PRKCI: variants seen among roughly 807,000 people sequenced by gnomAD.
PRKCI encodes protein kinase C iota type.
PRKCI carries 43 observed loss-of-function variants against 84.0 expected under a neutral mutation model. The ratio of observed to expected loss-of-function variants is 0.51; its 90% CI spans 0.40 to 0.66. The LOEUF (loss-of-function observed/expected upper bound fraction) is 0.66. Ranked by LOEUF, PRKCI falls within the 30% of genes least tolerant of loss-of-function variation. PRKCI has a pLI of 0.00. For synonymous variants in PRKCI, 216 were observed against 234.4 expected, an observed-to-expected ratio of 0.92 and a Z score of 0.72; for missense variants, 459 against 745.6, an observed-to-expected ratio of 0.62 and a Z score of 4.48.
chr3:170,253,868 G>A (rs894006901), intron 2 of PRKCI, among the ~76,000 whole-genome samples: 5 of 151,672 alleles, frequency 3.3e-5, no homozygotes, highest in African/African-American at 7.3e-5. Context: ...AGGCCGAGGC[G>A]GGCGGATCAC....
intron 8 of PRKCI, among the ~76,000 whole-genome samples, chr3:170,279,881 C>G (rs1031526404): frequency 1.3e-5 from 2 of 152,138 alleles, no homozygotes; most frequent in Non-Finnish European, 2.9e-5. Context: ...AGTGGTACCC[C>G]CAATCTCTTG....
At chr3:170,244,393 G>T (rs1304465878) in intron 2 of PRKCI, among the ~76,000 whole-genome samples, 1 of 152,106 alleles carries the variant, frequency 6.6e-6, no homozygotes, top group Non-Finnish European at 1.5e-5. Flanking sequence ...AAAATGTAGG[G>T]GTTCAGAGAG....
At chr3:170,277,180 C>T (rs575712191) in intron 8 of PRKCI, among the ~76,000 whole-genome samples, 6 of 150,876 alleles carry the variant, frequency 4.0e-5, no homozygotes, top group African/African-American at 1.5e-4. Context: ...ACTGGGGAGG[C>T]GGAGATTACA....
chr3:170,241,817 T>C (rs986204153), intron 2 of PRKCI, among the ~76,000 whole-genome samples: 1 of 148,990 alleles, frequency 6.7e-6, no homozygotes, highest in Admixed American at 6.6e-5. Flanking sequence ...TGTACCACCA[T>C]GCCTAGCTAC....
intron 13 of PRKCI, 82 bp from the exon 14 acceptor site, chr3:170,293,301 C>T: frequency 7.3e-7 from 1 of 1,362,862 alleles, no homozygotes; most frequent in Non-Finnish European, 1.0e-6. Context: ...GTTTCTTTTT[C>T]CTTTATGTGA....
At chr3:170,230,451 C>G (rs969398085) in intron 1 of PRKCI, among the ~76,000 whole-genome samples, 5 of 152,220 alleles carry the variant, frequency 3.3e-5, no homozygotes, top group African/African-American at 1.2e-4. Flanking sequence ...CTGCCTCAGC[C>G]TCCCAAGTAG....
chr3:170,288,570 G>A (rs546428476), intron 12 of PRKCI, among the ~76,000 whole-genome samples: 57 of 152,142 alleles, frequency 3.7e-4, no homozygotes, highest in African/African-American at 1.3e-3. Flanking sequence ...CCAACATGGT[G>A]AAAACCCATC....
In PRKCI at chr3:170,303,361, G is replaced by GT. The variant is rs1270718845; in HGVS notation, c.*239dup. ...AAAATTTAGTTGAACTGGTTTTTCA[G>GT]TTTTTAAAAGGCCTACAGATGAGTA... is the stretch of plus-strand genomic sequence containing the variant. On this transcript the variant is annotated 3_prime_UTR_variant, in exon 18 of 18. Coordinates refer to ENST00000295797, the MANE Select transcript of PRKCI (RefSeq NM_002740.6). 7 of 315,498 alleles carry GT rather than the reference G, an allele frequency of 2.2e-5. No homozygotes were observed. In the East Asian group the frequency reaches 3.2e-4, roughly 15 times the overall value. The allele number at this position is 315,498 out of a possible 1,614,324, so 19.5% of individuals were successfully genotyped here. A position where few individuals can be genotyped will look rare whatever the true frequency, so the allele number is the denominator to read the frequency against.
At chr3:170,225,366 A>T (rs1413429238) in intron 1 of PRKCI, among the ~76,000 whole-genome samples, 1 of 152,220 alleles carries the variant, frequency 6.6e-6, no homozygotes, top group East Asian at 1.9e-4. Flanking sequence ...ATTAATATAG[A>T]TGAAGCTAAA....
chr3:170,251,984 G>A (rs749983820), intron 2 of PRKCI, among the ~76,000 whole-genome samples: 1 of 151,980 alleles, frequency 6.6e-6, no homozygotes, highest in African/African-American at 2.4e-5. Flanking sequence ...GGGAGGCCGA[G>A]GTGGGTGGAT....
intron 4 of PRKCI, among the ~76,000 whole-genome samples, chr3:170,265,083 G>A (rs151265750): frequency 1.1e-3 from 161 of 152,188 alleles, no homozygotes; most frequent in African/African-American, 3.8e-3. Context: ...TAGCTACCTG[G>A]GAGGCTGAGG....
chr3:170,266,848 C>T (rs565149960), intron 4 of PRKCI, among the ~76,000 whole-genome samples: 50 of 152,188 alleles, frequency 3.3e-4, no homozygotes, highest in African/African-American at 1.2e-3. Context: ...CAAAAATTAG[C>T]CGGGTGTGGT....
intron 1 of PRKCI, 34 bp downstream of exon 1, chr3:170,222,804 G>A: frequency 6.4e-7 from 1 of 1,560,742 alleles, no homozygotes. Flanking sequence ...TGGGCGGGAG[G>A]GGACAGGCCG....
intron 6 of PRKCI, among the ~76,000 whole-genome samples, chr3:170,272,426 A>C (rs1376228370): frequency 6.6e-6 from 1 of 152,196 alleles, no homozygotes; most frequent in East Asian, 1.9e-4. Context: ...ATCTTTAATT[A>C]GTTCATATAA....
rs1231701510 is a variant in PRKCI at position 170,291,988 on chromosome 3, G to T, written c.1291+47G>T. On this transcript the variant is annotated intron_variant, in intron 13 of 17. Coordinates refer to ENST00000295797, the MANE Select transcript of PRKCI (RefSeq NM_002740.6). ...TTATTTTAGCTATTGCTAGATGGGT[G>T]GTAAAATGTGGTACCAATTGCATTA... 3.2e-6 allele frequency: 4 copies of T among 1,268,238 alleles called. No homozygotes were observed. The South Asian group carries it at 4.8e-5, about 15-fold the overall frequency. 78.6% of individuals were successfully genotyped at this position (1,268,238 alleles called of 1,614,324 possible). A position where few individuals can be genotyped will look rare whatever the true frequency, so the allele number is the denominator to read the frequency against.
intron 12 of PRKCI, among the ~76,000 whole-genome samples, chr3:170,285,236 C>T (rs1267499771): frequency 3.9e-5 from 6 of 151,990 alleles, no homozygotes; most frequent in Non-Finnish European, 7.4e-5. Context: ...CCTGCCACCA[C>T]GCCCAGCTAA....
intron 6 of PRKCI, among the ~76,000 whole-genome samples, chr3:170,270,948 T>G (rs1733987049): frequency 6.6e-6 from 1 of 152,198 alleles, no homozygotes; most frequent in Non-Finnish European, 1.5e-5. Flanking sequence ...GTATCATGTT[T>G]GTTATTTAAA....
At chr3:170,291,319 C>A (rs190208672) in intron 12 of PRKCI, among the ~76,000 whole-genome samples, 2 of 152,100 alleles carry the variant, frequency 1.3e-5, no homozygotes, top group African/African-American at 4.8e-5. Flanking sequence ...AAATTCAAGT[C>A]GTACCTTAAT....
chr3:170,268,743 C>T (rs188839512), intron 5 of PRKCI, among the ~76,000 whole-genome samples: 2 of 152,232 alleles, frequency 1.3e-5, no homozygotes, highest in East Asian at 3.9e-4. Flanking sequence ...TGATTCATTT[C>T]ATCCTTACAA....
Sources: gnomAD v4.1 joint callset for allele counts (sites outside exome capture counted in the v4.1 genomes callset) on GRCh38, gnomAD v4.1.1 for gene constraint, MANE v1.5 for transcripts, NCBI Gene and HGNC (gene_info 2026-07-23, HGNC 2026-07-21) for gene names.